The following NTN4 variants were observed in gnomAD, a reference collection of about 807,000 sequenced individuals.
NTN4 encodes netrin 4, also known as netrin-4.
In NTN4, 32 loss-of-function variants were observed where a neutral mutation model predicts 73.6. That is an observed-to-expected ratio of 0.44 (90% CI 0.33 to 0.58). The LOEUF (loss-of-function observed/expected upper bound fraction) is 0.58. Ranked by LOEUF, NTN4 falls within the 20% of genes least tolerant of loss-of-function variation. The pLI is 0.04. For synonymous variants in NTN4, 258 were observed against 287.5 expected (o/e 0.90, Z 1.04); for missense variants, 654 against 798.3 (o/e 0.82, Z 2.18).
chr12:95,769,370 C>CA (rs2079040575), intron 2 of NTN4, among the ~76,000 whole-genome samples: 1 of 151,868 alleles, frequency 6.6e-6, no homozygotes, highest in African/African-American at 2.4e-5. Context: ...GGAGCCAGAG[C>CA]AGAGATAAAA....
Position 95,710,582 on chromosome 12 carries a change from C to G in NTN4, c.1039G>C (p.Val347Leu). Residue 347 changes from valine (V) to leucine (L), a missense_variant, in exon 5 of 10, where the codon GTG (valine) becomes CTG (leucine). Physicochemically the swap from Val to Leu is conservative, Grantham distance 32. Transcript: ENST00000343702. ...HADTCHFDVNVWEASGNRSGG... is the reference protein window; with the variant it reads ...HADTCHFDVNLWEASGNRSGG... ...CTACGATTCCCTGATGCCTCCCACACATTAACGTCGAAGTGACAGGTATCA... is the reference window on the plus strand; with the variant it reads ...CTACGATTCCCTGATGCCTCCCACAGATTAACGTCGAAGTGACAGGTATCA... 1 of 1,614,182 alleles carries G rather than the reference C, an allele frequency of 6.2e-7. No homozygotes were observed. Among genetic ancestry groups the G allele is most frequent in the Non-Finnish European group, 8.5e-7 (1 of 1,180,020 alleles).
chr12:95,660,659 C>T lies in NTN4; in HGVS notation c.1751-1437G>A, dbSNP rs146516420. 2.0e-4 allele frequency among the ~76,000 whole-genome samples: 30 copies of T among 151,888 alleles called. No homozygotes were observed. In the East Asian group the frequency reaches 4.3e-3, roughly 22 times the overall value. ...TAACGTAGATTTTGGTATTTAGGAA[C>T]GATTTTTAAAAATTATAGGGTAGAT... On this transcript the variant is annotated intron_variant, in intron 9 of 9. Transcript: ENST00000343702.
At chr12:95,784,272 C>T (rs540943833) in intron 2 of NTN4, among the ~76,000 whole-genome samples, 54 of 152,236 alleles carry the variant, frequency 3.5e-4, no homozygotes, top group Non-Finnish European at 6.8e-4. Context: ...GAGAGGAAGG[C>T]AATAATCACT....
Position 95,672,314 on chromosome 12 carries a change from T to C in NTN4, c.1511-2168A>G, listed in dbSNP as rs796688048. 9 of 781,742 alleles carry C rather than the reference T, an allele frequency of 1.2e-5. No homozygotes were observed. The African/African-American group carries it at 1.3e-4, about 12-fold the overall frequency. 48.4% of individuals were successfully genotyped at this position (781,742 alleles called of 1,614,324 possible). ...TCCCAAGCCCGCCGCCATGGCCGCC[T>C]ACAAACTGGTGCTGATCCAGCATGG... On this transcript the variant is annotated intron_variant, in intron 7 of 9. Coordinates refer to ENST00000343702, the MANE Select transcript of NTN4 (RefSeq NM_021229.4).
intron 3 of NTN4, among the ~76,000 whole-genome samples, chr12:95,734,090 A>G (rs79525423): frequency 7.0e-6 from 1 of 142,786 alleles, no homozygotes; most frequent in South Asian, 2.3e-4. Context: ...AAAAAAAAAA[A>G]GGAATGTATT....
chr12:95,682,080 T>TTTTTTTTTTTTTTTTTTTA (rs869040983), intron 7 of NTN4, among the ~76,000 whole-genome samples: 1 of 118,456 alleles, frequency 8.4e-6, no homozygotes, highest in Non-Finnish European at 1.9e-5. Flanking sequence ...TTTTTTTTTT[T>TTTTTTTTTTTTTTTTTTTA]GAGACAAGGT....
At chr12:95,676,479 T>G (rs2078274240) in intron 7 of NTN4, among the ~76,000 whole-genome samples, 1 of 152,042 alleles carries the variant, frequency 6.6e-6, no homozygotes, top group South Asian at 2.1e-4. Context: ...ACTCAATGGA[T>G]TAAAGCGAAA....
intron 2 of NTN4, among the ~76,000 whole-genome samples, chr12:95,742,892 A>G (rs1207335357): frequency 6.6e-6 from 1 of 152,256 alleles, no homozygotes; most frequent in Non-Finnish European, 1.5e-5. Flanking sequence ...GGAGAAGCCA[A>G]ACAGGGTCTA....
intron 7 of NTN4, among the ~76,000 whole-genome samples, chr12:95,675,890 C>A (rs1270471889): frequency 6.6e-6 from 1 of 152,036 alleles, no homozygotes; most frequent in Non-Finnish European, 1.5e-5. Context: ...AAACAATAAA[C>A]CAACCACGTA....
At chr12:95,740,241 C>A (rs2078813978) in intron 2 of NTN4, among the ~76,000 whole-genome samples, 1 of 152,232 alleles carries the variant, frequency 6.6e-6, no homozygotes, top group Non-Finnish European at 1.5e-5. Context: ...ACAGATGCTT[C>A]CAACTTCTGG....
At chr12:95,668,148 T>C (rs539241253) in intron 8 of NTN4, among the ~76,000 whole-genome samples, 1 of 151,800 alleles carries the variant, frequency 6.6e-6, no homozygotes, top group African/African-American at 2.4e-5. Context: ...CAAGTGTTTT[T>C]TTTTTTTTTT....
At chr12:95,717,624 A>C (rs1167370939) in intron 3 of NTN4, among the ~76,000 whole-genome samples, 1 of 151,710 alleles carries the variant, frequency 6.6e-6, no homozygotes, top group Non-Finnish European at 1.5e-5. Context: ...CCACTATTTG[A>C]TGCTCGTGAA....
chr12:95,670,972 G>A (rs902287234), intron 7 of NTN4: 4 of 151,732 alleles, frequency 2.6e-5, no homozygotes, highest in African/African-American at 9.7e-5. Context: ...ATGTATGTAT[G>A]TATGTATGTA....
chr12:95,733,413 T>C (rs2078752634), intron 3 of NTN4, among the ~76,000 whole-genome samples: 1 of 152,134 alleles, frequency 6.6e-6, no homozygotes, highest in East Asian at 1.9e-4. Flanking sequence ...GGCAAAGAAG[T>C]GTATGAAGGA....
intron 3 of NTN4, among the ~76,000 whole-genome samples, chr12:95,732,499 G>A (rs938745280): frequency 6.8e-6 from 1 of 146,536 alleles, no homozygotes; most frequent in African/African-American, 2.5e-5. Context: ...TGCCTCCTGC[G>A]TCCAAGCGAT....
chr12:95,737,284 A>G (rs895874148), intron 3 of NTN4, among the ~76,000 whole-genome samples: 1 of 152,208 alleles, frequency 6.6e-6, no homozygotes, highest in African/African-American at 2.4e-5. Context: ...TACAAAGATC[A>G]TACAGTTCCT....
At chr12:95,752,618 C>G (rs539637865) in intron 2 of NTN4, among the ~76,000 whole-genome samples, 1 of 150,946 alleles carries the variant, frequency 6.6e-6, no homozygotes. Context: ...TAAAAACACA[C>G]GTGCTCTCCC....
intron 2 of NTN4, among the ~76,000 whole-genome samples, chr12:95,758,124 G>T (rs2078960283): frequency 6.6e-6 from 1 of 152,232 alleles, no homozygotes; most frequent in Non-Finnish European, 1.5e-5. Flanking sequence ...AGGTGGTATG[G>T]TAAGTGGATA....
intron 2 of NTN4, chr12:95,740,022 A>G (rs2078811832): frequency 6.6e-6 from 1 of 152,200 alleles, no homozygotes. Context: ...CTTGGTGTGC[A>G]TGACACCACA....
Sources: gnomAD v4.1 joint callset for allele counts (sites outside exome capture counted in the v4.1 genomes callset) on GRCh38, gnomAD v4.1.1 for gene constraint, MANE v1.5 for transcripts, NCBI Gene and HGNC (gene_info 2026-07-23, HGNC 2026-07-21) for gene names.